Variants in ALDH3B1 observed in about 807,000 individuals in gnomAD.
The protein encoded by ALDH3B1 is aldehyde dehydrogenase 3 family member B1.
Under a neutral mutation model 46.2 loss-of-function variants are expected in ALDH3B1, and 37 were observed. The observed-to-expected ratio is 0.80, with a 90% CI of 0.62 to 1.05. ALDH3B1 has a LOEUF of 1.05. ALDH3B1 is among the 50% of genes least tolerant of loss of function. The pLI is 0.00. For missense variants in ALDH3B1, 603 were observed against 665.5 expected, an observed-to-expected ratio of 0.91 and a Z score of 1.03; for synonymous variants, 283 against 281.0, an observed-to-expected ratio of 1.01 and a Z score of -0.07.
Position 68,019,796 on chromosome 11 carries a change from G to C in ALDH3B1, c.562G>C (p.Gly188Arg). The change falls in exon 6 of 10, where the codon GGG (glycine) becomes CGG (arginine). Residue 188 changes from glycine to arginine, a missense_variant and splice_region_variant. Coordinates refer to ENST00000342456, the MANE Select transcript of ALDH3B1 (RefSeq NM_000694.4). ...EHRFDYIFFT[G>R]SPRVGKIVMT... Reference sequence around the variant, plus strand: ...CAGGTTCGACTACATCTTCTTCACAGGTGAGGCCGGGACGAGGGTCGGGAC... The same window carrying C: ...CAGGTTCGACTACATCTTCTTCACACGTGAGGCCGGGACGAGGGTCGGGAC... 6.2e-7 allele frequency: 1 copy of C among 1,614,038 alleles called. No homozygotes were observed. Among genetic ancestry groups the C allele is most frequent in the Non-Finnish European group, 8.5e-7 (1 of 1,179,890 alleles).
intron 6 of ALDH3B1, among the ~76,000 whole-genome samples, chr11:68,020,787 G>A (rs1313480647): frequency 1.3e-5 from 2 of 152,226 alleles, no homozygotes; most frequent in Non-Finnish European, 2.9e-5. Context: ...GACCACAAGG[G>A]GGAGAAATGC....
In ALDH3B1 at chr11:68,026,059, C is replaced by T. The variant is rs199696843; in HGVS notation, c.1167C>T (p.Asn389=). Residue 389 remains asparagine (N), a synonymous_variant, in exon 9 of 10, where the codon AAC becomes AAT. Transcript: ENST00000342456. Reference sequence around the variant, plus strand: ...CCAGCAGCGGGGGCTTCTGTGGGAACGACGGCTTCATGCACATGACCCTGG... The same window carrying T: ...CCAGCAGCGGGGGCTTCTGTGGGAATGACGGCTTCATGCACATGACCCTGG... The part of the protein sequence containing the change: ...TQTSSGGFCG[N]DGFMHMTLAS... The T allele has an allele frequency of 3.4e-5, 54 of 1,609,154 alleles. No homozygotes were observed. Among genetic ancestry groups the T allele is most frequent in the Middle Eastern group, 1.6e-4 (1 of 6,068 alleles).
chr11:68,022,581 T>C lies in ALDH3B1; in HGVS notation c.950-14T>C, dbSNP rs750410513. On this transcript the variant is annotated splice_polypyrimidine_tract_variant and intron_variant, in intron 7 of 9. Coordinates refer to ENST00000342456, the MANE Select transcript of ALDH3B1 (RefSeq NM_000694.4). ...ACTGTGGCCCCAGGGCTGAGCTGTC[T>C]CTGGTGCCTGCAGCCCCCACGGTGC... 59 of 1,612,782 alleles carry C rather than the reference T, an allele frequency of 3.7e-5. No individual in the cohort carries two copies. In the Admixed American group the frequency reaches 5.0e-4, roughly 14 times the overall value.
In ALDH3B1 at chr11:68,015,472, TG is replaced by T; in HGVS notation, c.162+18del. On this transcript the variant is annotated intron_variant, in intron 2 of 9. Transcript: ENST00000342456. ...GGACCTGCACAAGGTGGGCTGGGGT[TG>T]GGGGTATGAGAGGGTGCACTGGGGC... 6.4e-7 allele frequency: 1 copy of T among 1,566,620 alleles called. No individual in the cohort carries two copies. The highest frequency in any genetic ancestry group is 1.9e-5 in the Admixed American group (1 of 52,922).
intron 1 of ALDH3B1, among the ~76,000 whole-genome samples, chr11:68,014,081 G>C (rs967066866): frequency 2.0e-5 from 3 of 152,180 alleles, no homozygotes; most frequent in Non-Finnish European, 4.4e-5. Context: ...GCTCAGAACC[G>C]ACTGTGTGGT....
chr11:68,015,803 C>T (rs1857339537), intron 2 of ALDH3B1: 1 of 399,208 alleles, frequency 2.5e-6, no homozygotes, highest in Non-Finnish European at 4.9e-6. Context: ...TGGTGGCTCA[C>T]ACCTGTAGTC....
chr11:68,028,044 G>C lies in ALDH3B1; in HGVS notation c.*105G>C. 1 of 1,441,650 alleles carries C rather than the reference G, an allele frequency of 6.9e-7. No individual in the cohort carries two copies. The allele number at this position is 1,441,650 out of a possible 1,614,324, so 89.3% of individuals were successfully genotyped here. ...GCCCGAGGAGGAAAAGGATTGCCAAGGCTCCAGGGCACCCCTCAAAGCAGC... is the reference window on the plus strand; with the variant it reads ...GCCCGAGGAGGAAAAGGATTGCCAACGCTCCAGGGCACCCCTCAAAGCAGC... On this transcript the variant is annotated 3_prime_UTR_variant, in exon 10 of 10. Transcript: ENST00000342456.
In ALDH3B1 at chr11:68,019,201, T is replaced by C; in HGVS notation, c.426T>C (p.Ile142=). 6.2e-7 allele frequency: 1 copy of C among 1,613,526 alleles called. No homozygotes were observed. Among genetic ancestry groups the C allele is most frequent in the Non-Finnish European group, 8.5e-7 (1 of 1,179,758 alleles). ...GTGTGGTGCTGAAGCCATCGGAGAT[T>C]AGCAAGAACGTCGAGAAGATCCTGG... ...GNCVVLKPSE[I]SKNVEKILAE... The change falls in exon 5 of 10, where the codon ATT becomes ATC. Residue 142 remains isoleucine (I), a synonymous_variant. Transcript: ENST00000342456.
At chr11:68,019,297 G>C (rs990779197) in intron 5 of ALDH3B1, 42 bp downstream of exon 5, 1 of 1,566,612 alleles carries the variant, frequency 6.4e-7, no homozygotes, top group Non-Finnish European at 8.7e-7. Flanking sequence ...AACAGGCAAG[G>C]CTCAAGGGCT....
At chr11:68,027,563 C>A (rs943928590) in intron 9 of ALDH3B1, among the ~76,000 whole-genome samples, 186 bp from the exon 10 acceptor site, 7 of 152,166 alleles carry the variant, frequency 4.6e-5, no homozygotes, top group Admixed American at 4.6e-4. Flanking sequence ...ATCTGGCATC[C>A]CCAGGGCTTA....
chr11:68,019,845 T>A, intron 6 of ALDH3B1, 49 bp downstream of exon 6: 2 of 1,579,870 alleles, frequency 1.3e-6, no homozygotes, highest in Non-Finnish European at 1.7e-6. Flanking sequence ...GGAGGACAGC[T>A]GCTCAGGGGT....
At chr11:68,014,373 T>C (rs1857295697) in intron 1 of ALDH3B1, among the ~76,000 whole-genome samples, 1 of 152,116 alleles carries the variant, frequency 6.6e-6, no homozygotes, top group South Asian at 2.1e-4. Context: ...AGCTGAGATC[T>C]GGAGGAAAGG....
chr11:68,019,567 C>G (rs756947600), intron 5 of ALDH3B1, 148 bp from the exon 6 acceptor site: 8 of 829,312 alleles, frequency 9.6e-6, no homozygotes, highest in African/African-American at 1.7e-5. Flanking sequence ...CCCTTCTCCC[C>G]ACTTTGCCTC....
intron 6 of ALDH3B1, among the ~76,000 whole-genome samples, chr11:68,020,307 C>T (rs914413731): frequency 1.5e-4 from 23 of 152,216 alleles, no homozygotes; most frequent in Non-Finnish European, 2.9e-4. Context: ...TCTTGGCTCA[C>T]TGCAACCTCT....
At chr11:68,015,692 G>T in intron 2 of ALDH3B1, 1 of 698,304 alleles carries the variant, frequency 1.4e-6, no homozygotes. Context: ...AGGCTCTGGG[G>T]ATATAGCAGA....
chr11:68,018,988 G>A, intron 4 of ALDH3B1, 95 bp downstream of exon 4: 1 of 1,490,458 alleles, frequency 6.7e-7, no homozygotes. Context: ...AACTGGCCCA[G>A]GTGGCAAAGA....
At position 68,022,562 on chromosome 11, in the gene ALDH3B1, G is replaced by A. The variant is rs759286357; in HGVS notation, c.950-33G>A. ...CACCCTGGGGGCGGTCCTGACTGTG[G>A]CCCCAGGGCTGAGCTGTCTCTGGTG... On this transcript the variant is annotated intron_variant, in intron 7 of 9. Coordinates refer to ENST00000342456, the MANE Select transcript of ALDH3B1 (RefSeq NM_000694.4). 2.5e-6 allele frequency: 4 copies of A among 1,608,594 alleles called. No homozygotes were observed. In the South Asian group the frequency reaches 4.4e-5, roughly 18 times the overall value.
At chr11:68,011,686 C>G (rs968308020) in intron 1 of ALDH3B1, among the ~76,000 whole-genome samples, 9 of 152,232 alleles carry the variant, frequency 5.9e-5, no homozygotes, top group Non-Finnish European at 5.9e-5. Flanking sequence ...GCCCTCTACC[C>G]ACCATGTTCA....
At position 68,019,889 on chromosome 11, in the gene ALDH3B1, T is replaced by A; in HGVS notation, c.562+93T>A. 2.3e-6 allele frequency: 3 copies of A among 1,324,486 alleles called. No individual in the cohort carries two copies. In the East Asian group the frequency reaches 7.0e-5, roughly 31 times the overall value. 82.0% of individuals were successfully genotyped at this position (1,324,486 alleles called of 1,614,324 possible). A position where few individuals can be genotyped will look rare whatever the true frequency, so the allele number is the denominator to read the frequency against. On this transcript the variant is annotated intron_variant, in intron 6 of 9. Coordinates refer to ENST00000342456, the MANE Select transcript of ALDH3B1 (RefSeq NM_000694.4). ...TAACTCTGGGAGTCCACAGGGAGAC[T>A]GAATTCTCCTCTCTCTCTCTCTCTG...
Sources: allele counts gnomAD v4.1 joint callset (sites outside exome capture counted in the v4.1 genomes callset), GRCh38; gene constraint gnomAD v4.1.1; transcripts MANE v1.5; gene names NCBI Gene and HGNC (gene_info 2026-07-23, HGNC 2026-07-21).